Variants in RB1 observed in about 807,000 individuals in gnomAD.
RB1 encodes RB transcriptional corepressor 1.
A neutral mutation model predicts 135.4 loss-of-function variants in RB1; 18 were observed. The observed-to-expected ratio is 0.13, with a 90% CI of 0.09 to 0.20. The LOEUF (loss-of-function observed/expected upper bound fraction) is 0.20. RB1 is among the 10% of genes least tolerant of loss of function. The probability of loss-of-function intolerance (pLI) is 1.00; values close to 1 mark genes in which losing one functional copy is unlikely to be tolerated. For synonymous variants in RB1, 365 were observed against 373.2 expected (o/e 0.98, Z 0.25); for missense variants, 868 against 1,110.0 (o/e 0.78, Z 3.10).
At position 48,347,833 on chromosome 13, in the gene RB1, A is replaced by G; in HGVS notation, c.509A>G (p.Glu170Gly). Residue 170 changes from glutamate to glycine, a missense_variant, in exon 5 of 27, where the codon GAA becomes GGA. Physicochemically the swap from Glu to Gly is moderately conservative, Grantham distance 98. Transcript: ENST00000267163. ...AATGTTTTTCTTTTCAGGACATGTG[A>G]ACTTATATATTTGACACAACCCAGC... The part of the protein sequence containing the change: ...ALFSKLERTC[E>G]LIYLTQPSSS... 3.1e-6 allele frequency: 5 copies of G among 1,592,684 alleles called. No homozygotes were observed. Among genetic ancestry groups the G allele is most frequent in the Non-Finnish European group, 4.3e-6 (5 of 1,161,866 alleles).
At chr13:48,435,986 C>T (rs755129678) in intron 17 of RB1, among the ~76,000 whole-genome samples, 8 of 152,088 alleles carry the variant, frequency 5.3e-5, no homozygotes, top group Non-Finnish European at 8.8e-5. Context: ...AAAAACAAAA[C>T]CCAACTCTAT....
chr13:48,415,223 C>T (rs1303570707), intron 17 of RB1, among the ~76,000 whole-genome samples: 1 of 151,944 alleles, frequency 6.6e-6, no homozygotes, highest in Non-Finnish European at 1.5e-5. Context: ...TGTCATTACT[C>T]ACTTGACTTG....
chr13:48,364,394 A>T (rs1175763454), intron 8 of RB1, among the ~76,000 whole-genome samples: 1 of 152,232 alleles, frequency 6.6e-6, no homozygotes, highest in East Asian at 1.9e-4. Flanking sequence ...TTGTTAACAG[A>T]TGACATAAAC....
At chr13:48,440,795 A>G (rs1350193309) in intron 17 of RB1, among the ~76,000 whole-genome samples, 2 of 152,218 alleles carry the variant, frequency 1.3e-5, no homozygotes, top group African/African-American at 4.8e-5. Context: ...TATTCATAAT[A>G]AATAGAAAAT....
chr13:48,387,538 G>T (rs1593460396), intron 17 of RB1, among the ~76,000 whole-genome samples: 1 of 152,054 alleles, frequency 6.6e-6, no homozygotes, highest in Admixed American at 6.6e-5. Context: ...TAAGGCTGGT[G>T]GGGAGGACTA....
At chr13:48,425,908 G>T (rs1030910655) in intron 17 of RB1, among the ~76,000 whole-genome samples, 1 of 152,166 alleles carries the variant, frequency 6.6e-6, no homozygotes, top group Non-Finnish European at 1.5e-5. Context: ...GTTGTGACTT[G>T]CTTAGGATTA....
chr13:48,478,888 T>C (rs755318870), intron 26 of RB1, among the ~76,000 whole-genome samples: 1 of 152,182 alleles, frequency 6.6e-6, no homozygotes, highest in Non-Finnish European at 1.5e-5. Context: ...ATTTAATAAG[T>C]ATCCCGGCTT....
At chr13:48,344,876 T>C (rs1452392163) in intron 3 of RB1, among the ~76,000 whole-genome samples, 1 of 152,180 alleles carries the variant, frequency 6.6e-6, no homozygotes, top group African/African-American at 2.4e-5. Context: ...CAATGATGAA[T>C]AGATATAAGC....
chr13:48,311,156 A>G (rs990811192), intron 2 of RB1, among the ~76,000 whole-genome samples: 4 of 152,166 alleles, frequency 2.6e-5, no homozygotes, highest in African/African-American at 4.8e-5. Flanking sequence ...CAGTTTGCTC[A>G]CCTGTAAGGC....
chr13:48,472,647 T>C (rs1949478501), intron 23 of RB1, among the ~76,000 whole-genome samples: 1 of 152,158 alleles, frequency 6.6e-6, no homozygotes, highest in Non-Finnish European at 1.5e-5. Context: ...AACTAATAAA[T>C]CATTGACCAG....
At chr13:48,362,444 G>T in intron 7 of RB1, among the ~76,000 whole-genome samples, 2 of 151,994 alleles carry the variant, frequency 1.3e-5, no homozygotes, top group East Asian at 3.9e-4. Context: ...TCTAGAAATT[G>T]AATTCAGAAA....
chr13:48,433,673 C>T (rs1420088834), intron 17 of RB1, among the ~76,000 whole-genome samples: 1 of 101,336 alleles, frequency 9.9e-6, no homozygotes, highest in Admixed American at 1.4e-4. Context: ...TTACTGTTAA[C>T]AAAAATGCAT....
At chr13:48,440,645 A>G (rs909381460) in intron 17 of RB1, among the ~76,000 whole-genome samples, 1 of 152,200 alleles carries the variant, frequency 6.6e-6, no homozygotes, top group South Asian at 2.1e-4. Context: ...AGTATTAATT[A>G]TATGATTTTG....
At chr13:48,379,543 T>C in intron 13 of RB1, 51 bp from the exon 14 acceptor site, 1 of 1,582,986 alleles carries the variant, frequency 6.3e-7, no homozygotes, top group Non-Finnish European at 8.6e-7. Context: ...ATTTCATAAT[T>C]GTGATTTTCT....
chr13:48,343,303 C>T (rs2138084942), intron 3 of RB1, among the ~76,000 whole-genome samples: 1 of 152,152 alleles, frequency 6.6e-6, no homozygotes, highest in East Asian at 1.9e-4. Context: ...GACTTCCAGT[C>T]ATTTTCTTTG....
intron 2 of RB1, among the ~76,000 whole-genome samples, chr13:48,340,436 C>A (rs1952432040): frequency 1.3e-5 from 2 of 152,096 alleles, no homozygotes; most frequent in Non-Finnish European, 2.9e-5. Context: ...GAACATTTCA[C>A]TTATGCATTT....
At chr13:48,457,782 G>A (rs1949370189) in intron 19 of RB1, among the ~76,000 whole-genome samples, 1 of 152,236 alleles carries the variant, frequency 6.6e-6, no homozygotes, top group South Asian at 2.1e-4. Context: ...CATCTGGCTG[G>A]GCTGCAGCAG....
At chr13:48,338,467 G>A (rs1277219245) in intron 2 of RB1, among the ~76,000 whole-genome samples, 3 of 152,036 alleles carry the variant, frequency 2.0e-5, no homozygotes, top group Non-Finnish European at 2.9e-5. Context: ...CCAGTTGATC[G>A]AATCAGCTGC....
intron 5 of RB1, 40 bp from the exon 6 acceptor site, chr13:48,348,916 A>AT (rs34257378): frequency 1.3e-6 from 2 of 1,587,046 alleles, no homozygotes; most frequent in Non-Finnish European, 1.7e-6. Flanking sequence ...TCAGTGATAC[A>AT]TTTTTCCTGT....
Sources: allele counts gnomAD v4.1 joint callset (sites outside exome capture counted in the v4.1 genomes callset), GRCh38; gene constraint gnomAD v4.1.1; transcripts MANE v1.5; gene names NCBI Gene and HGNC (gene_info 2026-07-23, HGNC 2026-07-21).